Variants in PTPRD observed in about 807,000 individuals in gnomAD.
PTPRD encodes protein tyrosine phosphatase receptor type D.
Under a neutral mutation model 214.5 loss-of-function variants are expected in PTPRD, and 34 were observed. The ratio of observed to expected loss-of-function variants is 0.16; its 90% CI spans 0.12 to 0.21. The LOEUF (loss-of-function observed/expected upper bound fraction) is 0.21, where lower values mean the gene tolerates loss of function less well. Ranked by LOEUF, PTPRD falls within the 10% of genes least tolerant of loss-of-function variation. PTPRD has a pLI of 1.00. For missense variants in PTPRD, 2,545 were observed against 2,398.7 expected (o/e 1.06, Z -1.27); for synonymous variants, 1,128 against 845.7 (o/e 1.33, Z -5.79).
chr9:9,232,342 G>C (rs1317329977), intron 9 of PTPRD, among the ~76,000 whole-genome samples: 2 of 152,100 alleles, frequency 1.3e-5, no homozygotes, highest in African/African-American at 4.8e-5. Context: ...AAGTACTAAA[G>C]AACTATCAAT....
chr9:9,053,576 A>G (rs1158250939), intron 10 of PTPRD, among the ~76,000 whole-genome samples: 1 of 152,196 alleles, frequency 6.6e-6, no homozygotes, highest in Non-Finnish European at 1.5e-5. Context: ...TTCAGAGAGC[A>G]CAGCCTGGTG....
At chr9:9,519,967 T>G (rs915513780) in intron 8 of PTPRD, among the ~76,000 whole-genome samples, 3 of 151,990 alleles carry the variant, frequency 2.0e-5, no homozygotes, top group Non-Finnish European at 4.4e-5. Flanking sequence ...GATAGACAAA[T>G]AAAATAATGG....
intron 5 of PTPRD, among the ~76,000 whole-genome samples, chr9:9,882,776 C>T (rs1218084678): frequency 6.6e-6 from 1 of 151,636 alleles, no homozygotes; most frequent in Admixed American, 6.6e-5. Flanking sequence ...GGATATTTGT[C>T]CCCTCCAAAT....
chr9:10,536,856 A>G (rs1385107050), intron 2 of PTPRD, among the ~76,000 whole-genome samples: 1 of 152,098 alleles, frequency 6.6e-6, no homozygotes, highest in Non-Finnish European at 1.5e-5. Flanking sequence ...CATGGTACCA[A>G]TTTTCTTTTA....
At chr9:10,346,085 C>A (rs2097075855) in intron 2 of PTPRD, among the ~76,000 whole-genome samples, 1 of 152,092 alleles carries the variant, frequency 6.6e-6, no homozygotes, top group African/African-American at 2.4e-5. Flanking sequence ...TATATTGAAA[C>A]ACAATTTAAA....
At chr9:9,623,836 G>A (rs1190693320) in intron 7 of PTPRD, among the ~76,000 whole-genome samples, 4 of 152,160 alleles carry the variant, frequency 2.6e-5, no homozygotes, top group African/African-American at 9.7e-5. Context: ...TCAAGAAACA[G>A]TGCTTCTTAC....
At position 10,116,005 on chromosome 9, in the gene PTPRD, G is replaced by C. The variant is rs72694892; in HGVS notation, c.-544-82215C>G. ...AAAAAAAGGAGAGATGAATGACTTA[G>C]ATATAGGCATATTCATGTTATGGTT... On this transcript the variant is annotated intron_variant, in intron 3 of 45. Transcript: ENST00000381196. Among the ~76,000 whole-genome samples the C allele has an allele frequency of 2.6e-3, 397 of 152,118 alleles. 2 individuals carry two copies. The highest frequency in any genetic ancestry group is 4.6e-3 in the Non-Finnish European group (314 of 67,946).
chr9:10,036,303 C>G (rs2097179832), intron 3 of PTPRD, among the ~76,000 whole-genome samples: 1 of 152,036 alleles, frequency 6.6e-6, no homozygotes, highest in Non-Finnish European at 1.5e-5. Flanking sequence ...GGTAAATGAT[C>G]ATCAATGTGT....
intron 11 of PTPRD, among the ~76,000 whole-genome samples, chr9:8,932,478 C>G (rs2098959772): frequency 6.6e-6 from 1 of 152,272 alleles, no homozygotes; most frequent in African/African-American, 2.4e-5. Flanking sequence ...CACAGCTACC[C>G]TTTCCCCCAG....
intron 5 of PTPRD, among the ~76,000 whole-genome samples, chr9:9,933,670 C>A (rs4477091): frequency 0.64 from 79,215 of 123,914 alleles, 23,100 homozygotes; most frequent in East Asian, 0.91. Context: ...ACAGATCAAC[C>A]AGACAGAAAG....
chr9:8,901,506 C>A (rs2098668522), intron 11 of PTPRD, among the ~76,000 whole-genome samples: 1 of 152,210 alleles, frequency 6.6e-6, no homozygotes, highest in Non-Finnish European at 1.5e-5. Flanking sequence ...GGCAACACTT[C>A]TTATCTCCAT....
intron 5 of PTPRD, among the ~76,000 whole-genome samples, chr9:9,862,149 T>C (rs2062917834): frequency 6.6e-6 from 1 of 152,118 alleles, no homozygotes; most frequent in African/African-American, 2.4e-5. Flanking sequence ...CACCAACTTA[T>C]TCCCACAAGC....
intron 2 of PTPRD, among the ~76,000 whole-genome samples, chr9:10,383,383 C>A (rs2097856402): frequency 2.6e-5 from 4 of 151,734 alleles, no homozygotes; most frequent in Admixed American, 2.6e-4. Context: ...CCCTAATGTT[C>A]TCATTTCAGT....
At chr9:9,997,278 A>G (rs890307046) in intron 4 of PTPRD, among the ~76,000 whole-genome samples, 1 of 132,724 alleles carries the variant, frequency 7.5e-6, no homozygotes, top group African/African-American at 2.7e-5. Context: ...AAACTTGAAG[A>G]TAAGCAATTT....
At chr9:9,056,817 T>A (rs1250978761) in intron 10 of PTPRD, among the ~76,000 whole-genome samples, 1 of 152,222 alleles carries the variant, frequency 6.6e-6, no homozygotes, top group Non-Finnish European at 1.5e-5. Context: ...TAAATCATAT[T>A]TATATCAGAT....
chr9:9,696,904 A>C (rs1281991554), intron 7 of PTPRD, among the ~76,000 whole-genome samples: 3 of 151,600 alleles, frequency 2.0e-5, no homozygotes, highest in Non-Finnish European at 2.9e-5. Context: ...TGGTTAAGTG[A>C]TTTTCTCTGA....
chr9:9,026,480 A>C (rs1006764325), intron 10 of PTPRD, among the ~76,000 whole-genome samples: 4 of 151,968 alleles, frequency 2.6e-5, no homozygotes, highest in African/African-American at 9.7e-5. Flanking sequence ...CAGTTTAAGA[A>C]ACTGGGTCTT....
intron 9 of PTPRD, among the ~76,000 whole-genome samples, chr9:9,318,270 A>T (rs1277569312): frequency 2.6e-5 from 4 of 151,858 alleles, no homozygotes; most frequent in Non-Finnish European, 4.4e-5. Context: ...AATACTTGTT[A>T]AAAACAAGTT....
chr9:9,452,767 G>A (rs1229783373), intron 8 of PTPRD, among the ~76,000 whole-genome samples: 1 of 151,116 alleles, frequency 6.6e-6, no homozygotes, highest in African/African-American at 2.4e-5. Flanking sequence ...ATCCCTAAAG[G>A]AAAATGTAAA....
Sources: allele counts gnomAD v4.1 joint callset (sites outside exome capture counted in the v4.1 genomes callset), GRCh38; gene constraint gnomAD v4.1.1; transcripts MANE v1.5; gene names NCBI Gene and HGNC (gene_info 2026-07-23, HGNC 2026-07-21).